Variants in FBN3 observed in about 807,000 individuals in gnomAD.
FBN3 encodes the protein fibrillin-3.
Under a neutral mutation model 330.1 loss-of-function variants are expected in FBN3, and 234 were observed. The observed-to-expected ratio is 0.71, with a 90% CI of 0.64 to 0.79. FBN3 has a LOEUF of 0.79. Among genes scored for constraint, FBN3 ranks in the 30% least tolerant of loss-of-function variants. FBN3 has a pLI of 0.00. For missense variants in FBN3, 3,606 were observed against 3,886.9 expected (o/e 0.93, Z 1.92); for synonymous variants, 1,458 against 1,517.3 (o/e 0.96, Z 0.91).
chr19:8,082,588 G>A (rs1599286892), intron 57 of FBN3, among the ~76,000 whole-genome samples: 1 of 151,710 alleles, frequency 6.6e-6, no homozygotes, highest in East Asian at 1.9e-4. Flanking sequence ...CCACTTCCTG[G>A]GTTCAAACGA....
intron 39 of FBN3, 70 bp from the exon 40 acceptor site, chr19:8,102,943 G>T: frequency 6.7e-7 from 1 of 1,500,912 alleles, no homozygotes; most frequent in Non-Finnish European, 9.2e-7. Flanking sequence ...GAGCCAAAGA[G>T]ATAGGAACTC....
At position 8,073,249 on chromosome 19, in the gene FBN3, C is replaced by A; in HGVS notation, c.7751G>T (p.Cys2584Phe). Residue 2584 changes from cysteine to phenylalanine, a missense_variant, in exon 62 of 64, where the codon TGT (cysteine) becomes TTT (phenylalanine). By Grantham distance (205) the Cys-to-Phe change is radical (BLOSUM62 -2). Transcript: ENST00000600128. ...LSPPTCGSAS[C>F]RNTLGGFRCV... is the part of the protein sequence containing the mutation. ...GCGGAAGCCACCAAGAGTGTTGCGA[C>A]AGGAGGCGCTCCCGCAGGTGGGGGG... 3.1e-6 allele frequency: 5 copies of A among 1,613,984 alleles called. No homozygotes were observed. The highest frequency in any genetic ancestry group is 4.2e-6 in the Non-Finnish European group (5 of 1,179,970).
intron 8 of FBN3, among the ~76,000 whole-genome samples, chr19:8,140,382 T>G (rs919718349): frequency 6.6e-6 from 1 of 152,130 alleles, no homozygotes; most frequent in African/African-American, 2.4e-5. Flanking sequence ...GAGAATCACT[T>G]GAACCCCGGA....
chr19:8,117,912 A>G (rs2082743338), intron 26 of FBN3, among the ~76,000 whole-genome samples: 1 of 152,128 alleles, frequency 6.6e-6, no homozygotes, highest in African/African-American at 2.4e-5. Flanking sequence ...ACTCAAGTGC[A>G]CACTCCTAAA....
intron 39 of FBN3, among the ~76,000 whole-genome samples, chr19:8,103,136 A>G (rs1175397452): frequency 5.3e-5 from 8 of 151,946 alleles, no homozygotes; most frequent in Non-Finnish European, 1.0e-4. Context: ...GTGTGGTGGC[A>G]CACGCCTGTA....
At chr19:8,119,120 C>T in intron 25 of FBN3, 98 bp from the exon 26 acceptor site, 1 of 1,370,034 alleles carries the variant, frequency 7.3e-7, no homozygotes, top group Non-Finnish European at 9.8e-7. Flanking sequence ...ACCTCCCCAG[C>T]CCCCTTCACC....
rs772561196 is a variant in FBN3 at position 8,109,383 on chromosome 19, G to C, written c.4462C>G (p.Arg1488Gly). The part of the protein sequence containing the change: ...NPSGVGCVDT[R>G]AGNCFLETHD... ...GTCTCCAGGAAACAGTTCCCGGCCC[G>C]AGTGTCTGAACAGGCAGAAGGGGAT... The change falls in exon 36 of 64, where the codon CGG becomes GGG. Residue 1488 changes from arginine to glycine, a missense_variant. By Grantham distance (125) the Arg-to-Gly change is moderately radical. Coordinates refer to ENST00000600128, the MANE Select transcript of FBN3 (RefSeq NM_032447.5). The surrounding 1 kb of genome is among the most constrained non-coding windows in gnomAD (Gnocchi z 5.2). 3 of 1,614,174 alleles carry C rather than the reference G, an allele frequency of 1.9e-6. No homozygotes were observed. Among genetic ancestry groups the C allele is most frequent in the South Asian group, 2.2e-5 (2 of 91,082 alleles).
Position 8,144,987 on chromosome 19 carries a change from G to A in FBN3, c.446-15C>T. 6.2e-7 allele frequency: 1 copy of A among 1,601,456 alleles called. No homozygotes were observed. Among genetic ancestry groups the A allele is most frequent in the Non-Finnish European group, 8.5e-7 (1 of 1,174,862 alleles). ...GTCACAGATGGCTGTGGAGGAGAGAGGGTGATGGCTGGAGGTCCCCCAGCA... is the reference window on the plus strand; with the variant it reads ...GTCACAGATGGCTGTGGAGGAGAGAAGGTGATGGCTGGAGGTCCCCCAGCA... On this transcript the variant is annotated splice_polypyrimidine_tract_variant and intron_variant, in intron 5 of 63. Coordinates refer to ENST00000600128, the MANE Select transcript of FBN3 (RefSeq NM_032447.5).
intron 59 of FBN3, among the ~76,000 whole-genome samples, chr19:8,077,370 G>T (rs1016124094): frequency 1.3e-5 from 2 of 152,210 alleles, no homozygotes; most frequent in African/African-American, 4.8e-5. Flanking sequence ...CGGGCACAGT[G>T]GCTTATGCCT....
chr19:8,111,136 A>G lies in FBN3; in HGVS notation c.4132T>C (p.Cys1378Arg). The G allele has an allele frequency of 1.2e-6, 2 of 1,612,910 alleles. No individual in the cohort carries two copies. The highest frequency in any genetic ancestry group is 1.7e-6 in the Non-Finnish European group (2 of 1,179,396). ...CGGTACCCGCCGGGCGCATTGAGGC[A>G]CTGCCCGTTGTCACAGAGGTCCACG... is the stretch of plus-strand genomic sequence containing the variant. ...ENVDLCDNGQCLNAPGGYRCE... is the reference protein window; with the variant it reads ...ENVDLCDNGQRLNAPGGYRCE... The change falls in exon 33 of 64, where the codon TGC becomes CGC. Residue 1378 changes from cysteine to arginine, a missense_variant. Physicochemically the swap from Cys to Arg is radical, Grantham distance 180 (BLOSUM62 -3). Coordinates refer to ENST00000600128, the MANE Select transcript of FBN3 (RefSeq NM_032447.5).
At chr19:8,136,166 C>G in intron 12 of FBN3, 24 bp downstream of exon 12, 1 of 1,613,630 alleles carries the variant, frequency 6.2e-7, no homozygotes, top group East Asian at 2.2e-5. Context: ...AACATCACCC[C>G]TACTCTTGGA....
intron 59 of FBN3, 47 bp from the exon 60 acceptor site, chr19:8,075,458 T>C (rs766350849): frequency 6.3e-7 from 1 of 1,582,752 alleles, no homozygotes; most frequent in Non-Finnish European, 8.6e-7. Context: ...GTTAAGGAAC[T>C]CGTGTCAGGT....
chr19:8,119,066 A>G (rs763529711), intron 25 of FBN3, 44 bp from the exon 26 acceptor site: 2 of 1,566,188 alleles, frequency 1.3e-6, no homozygotes, highest in Admixed American at 1.7e-5. Context: ...GAAGGTGCTG[A>G]TGCAGGGAGG....
At chr19:8,095,623 T>C in intron 45 of FBN3, 120 bp from the exon 46 acceptor site, 1 of 999,266 alleles carries the variant, frequency 1.0e-6, no homozygotes, top group Non-Finnish European at 1.5e-6. Context: ...TGAGCACTCA[T>C]GTATAGACTA....
intron 1 of FBN3, chr19:8,148,997 C>T (rs899815623): frequency 6.6e-6 from 1 of 152,464 alleles, no homozygotes; most frequent in Non-Finnish European, 1.5e-5. Context: ...CTCGGTCCCC[C>T]CTACACACCG....
At chr19:8,148,668 G>C (rs906630960) in intron 1 of FBN3, 1 of 152,270 alleles carries the variant, frequency 6.6e-6, no homozygotes, top group African/African-American at 2.4e-5. Context: ...GTTCCAGGGA[G>C]GAAAGGAACC....
chr19:8,073,941 C>T (rs1336867435), intron 61 of FBN3, among the ~76,000 whole-genome samples: 2 of 152,274 alleles, frequency 1.3e-5, no homozygotes, highest in South Asian at 4.1e-4. Flanking sequence ...CTCAATATCC[C>T]ACAAGAGTGA....
In FBN3 at chr19:8,123,508, C is replaced by T. The variant is rs2082903931; in HGVS notation, c.3038G>A (p.Cys1013Tyr). 1 of 1,614,192 alleles carries T rather than the reference C, an allele frequency of 6.2e-7. No individual in the cohort carries two copies. Among genetic ancestry groups the T allele is most frequent in the Non-Finnish European group, 8.5e-7 (1 of 1,180,018 alleles). ...GGCATCCAGGGCGAAGCCCCCCGCA[C>T]AGGCGCAGTGGAAGCTGCCCACCGT... is the stretch of plus-strand genomic sequence containing the variant. ...RNTVGSFHCA[C>Y]AGGFALDAQE... is the part of the protein sequence containing the mutation. The change falls in exon 24 of 64, where the codon TGT becomes TAT. Residue 1013 changes from cysteine (C) to tyrosine (Y), a missense_variant. By Grantham distance (194) the Cys-to-Tyr change is radical (BLOSUM62 -2). Transcript: ENST00000600128.
chr19:8,074,366 G>A (rs2081591420), intron 61 of FBN3, among the ~76,000 whole-genome samples: 1 of 152,124 alleles, frequency 6.6e-6, no homozygotes, highest in African/African-American at 2.4e-5. Context: ...AAAGGAGGGG[G>A]CAGAGAAGGC....
Sources: gnomAD v4.1 joint callset for allele counts (sites outside exome capture counted in the v4.1 genomes callset) on GRCh38, gnomAD v4.1.1 for gene constraint, Gnocchi (gnomAD v3.1) non-coding constraint, MANE v1.5 for transcripts, NCBI Gene and HGNC (gene_info 2026-07-23, HGNC 2026-07-21) for gene names.